Variants in BIRC3 observed in about 807,000 individuals in gnomAD.
BIRC3 encodes the protein baculoviral IAP repeat-containing protein 3.
BIRC3 carries 26 observed loss-of-function variants against 59.0 expected under a neutral mutation model. The ratio of observed to expected loss-of-function variants is 0.44; its 90% CI spans 0.32 to 0.61. BIRC3 has a LOEUF of 0.61. BIRC3 is among the 20% of genes least tolerant of loss of function. The pLI, the probability that BIRC3 is intolerant of heterozygous loss-of-function variation, is 0.04. For synonymous variants in BIRC3, 243 were observed against 249.2 expected, an observed-to-expected ratio of 0.98 and a Z score of 0.24; for missense variants, 641 against 711.5, an observed-to-expected ratio of 0.90 and a Z score of 1.13.
intron 5 of BIRC3, 41 bp from the exon 6 acceptor site, chr11:102,330,958 A>G (rs1208199888): frequency 6.6e-7 from 1 of 1,514,718 alleles, no homozygotes; most frequent in Non-Finnish European, 8.8e-7. Context: ...TAAGAAATAT[A>G]AGGCTATCCT....
intron 6 of BIRC3, among the ~76,000 whole-genome samples, chr11:102,334,082 T>C (rs912892034): frequency 5.9e-5 from 9 of 152,174 alleles, no homozygotes; most frequent in Non-Finnish European, 1.2e-4. Flanking sequence ...ATTTTAGAAA[T>C]CTTAAGAACT....
intron 1 of BIRC3, among the ~76,000 whole-genome samples, chr11:102,320,937 A>T (rs1951025590): frequency 6.6e-6 from 1 of 152,240 alleles, no homozygotes; most frequent in African/African-American, 2.4e-5. Context: ...GCCCTGCAGG[A>T]CTATAGGCCC....
chr11:102,336,179 C>G lies in BIRC3; in HGVS notation c.1538C>G (p.Ser513Cys), dbSNP rs776938400. The change falls in exon 7 of 9, where the codon TCT becomes TGT. Residue 513 changes from serine (S) to cysteine (C), a missense_variant. Around this residue, in one of 4 missense-constraint regions of BIRC3, gnomAD observed 268 missense variants for 255.7 expected, o/e 1.05. Coordinates refer to ENST00000263464, the MANE Select transcript of BIRC3 (RefSeq NM_001165.5). ...ATTGCAGCCACTGTATTCAGAAACTCTCTGCAAGAAGCTGAAGCTGTGTTA... is the reference window on the plus strand; with the variant it reads ...ATTGCAGCCACTGTATTCAGAAACTGTCTGCAAGAAGCTGAAGCTGTGTTA... ...GNIAATVFRN[S>C]LQEAEAVLYE... The G allele has an allele frequency of 1.5e-5, 25 of 1,613,196 alleles. No homozygotes were observed. In the Admixed American group the frequency reaches 1.8e-4, roughly 12 times the overall value.
chr11:102,326,636 GT>G (rs1414984181), intron 3 of BIRC3: 4 of 443,122 alleles, frequency 9.0e-6, no homozygotes, highest in Non-Finnish European at 1.4e-5. Flanking sequence ...AAGCTGCACT[GT>G]TTTTTTTCTA....
At position 102,339,096 on chromosome 11, in the gene BIRC3, G is replaced by A. The variant is rs1395200121; in HGVS notation, c.*1994G>A. ...CTAAGAGGCTCTGCTGGCTACCCAT[G>A]TACTAGCCAGTGTCCTGCATGGGTG... On this transcript the variant is annotated 3_prime_UTR_variant, in exon 9 of 9. Transcript: ENST00000263464. 9.6e-6 allele frequency: 2 copies of A among 208,682 alleles called. No individual in the cohort carries two copies. 12.9% of individuals were successfully genotyped at this position (208,682 alleles called of 1,614,324 possible).
At position 102,339,208 on chromosome 11, in the gene BIRC3, G is replaced by GT. The variant is rs1364015961; in HGVS notation, c.*2107dup. 3.3e-3 allele frequency: 414 copies of GT among 126,456 alleles called. 3 individuals are homozygous for GT. The highest frequency in any genetic ancestry group is 0.02 in the African/African-American group (383 of 19,070). The allele number at this position is 126,456 out of a possible 1,614,324, so 7.8% of individuals were successfully genotyped here. ...ATAGTAGGCACCCTTTTTGCACCATGTGTTTTTTTTTTTATCTAGTTCTTG... is the reference window on the plus strand; with the variant it reads ...ATAGTAGGCACCCTTTTTGCACCATGTTGTTTTTTTTTTTATCTAGTTCTTG... On this transcript the variant is annotated 3_prime_UTR_variant, in exon 9 of 9. Coordinates refer to ENST00000263464, the MANE Select transcript of BIRC3 (RefSeq NM_001165.5).
chr11:102,329,207 G>A (rs961568690), intron 5 of BIRC3, among the ~76,000 whole-genome samples: 3 of 152,170 alleles, frequency 2.0e-5, no homozygotes, highest in Non-Finnish European at 2.9e-5. Context: ...GCTCAGGCAT[G>A]TATAGTTTTA....
chr11:102,331,060 G>A lies in BIRC3; in HGVS notation c.1143G>A (p.Val381=). The stretch of plus-strand genomic sequence containing the variant: ...ATGCAATCATGATGAATACTCCTGT[G>A]ATTAATGCTGCCGTGGAAATGGGCT... ...SEDAIMMNTP[V]INAAVEMGFS... Residue 381 remains valine, a synonymous_variant, in exon 6 of 9, where the codon GTG becomes GTA. Transcript: ENST00000263464. 1 of 1,613,860 alleles carries A rather than the reference G, an allele frequency of 6.2e-7. No homozygotes were observed. Among genetic ancestry groups the A allele is most frequent in the African/African-American group, 1.3e-5 (1 of 75,036 alleles).
rs964261581 is a variant in BIRC3 at position 102,338,004 on chromosome 11, T to C, written c.*902T>C. 8.8e-6 allele frequency: 2 copies of C among 226,144 alleles called. No individual in the cohort carries two copies. The allele number at this position is 226,144 out of a possible 1,614,324, so 14.0% of individuals were successfully genotyped here. A position where few individuals can be genotyped will look rare whatever the true frequency, so the allele number is the denominator to read the frequency against. On this transcript the variant is annotated 3_prime_UTR_variant, in exon 9 of 9. Transcript: ENST00000263464. ...GAAGTCTCATGCCAGCCCCACCTATTGGAAGAAGGTCTGAGTTTTATTCTT... is the reference window on the plus strand; with the variant it reads ...GAAGTCTCATGCCAGCCCCACCTATCGGAAGAAGGTCTGAGTTTTATTCTT...
rs1951210235 is a variant in BIRC3, at chr11:102,337,636, G to A, written c.*534G>A. The A allele has an allele frequency of 5.9e-6, 2 of 341,722 alleles. No individual in the cohort carries two copies. Among genetic ancestry groups the A allele is most frequent in the Non-Finnish European group, 1.1e-5 (2 of 190,246 alleles). The allele number at this position is 341,722 out of a possible 1,614,324, so 21.2% of individuals were successfully genotyped here. The stretch of plus-strand genomic sequence containing the variant: ...TTTTTTGATCAGTGTCCTATACATC[G>A]AAGGTGTGCATATATGTTGAATGAC... On this transcript the variant is annotated 3_prime_UTR_variant, in exon 9 of 9. Transcript: ENST00000263464.
rs557587496 is a variant in BIRC3, at chr11:102,333,916, C to T, written c.1325-2050C>T. Among the ~76,000 whole-genome samples, 439 of 152,214 alleles carry T rather than the reference C, an allele frequency of 2.9e-3. 2 individuals carry two copies. Among genetic ancestry groups the T allele is most frequent in the Non-Finnish European group, 5.0e-3 (343 of 68,006 alleles). On this transcript the variant is annotated intron_variant, in intron 6 of 8. Transcript: ENST00000263464. ...AGGAGTTTGAGACCAGACTGGACAA[C>T]GTGGCGAGACCCCATCACTACAAAA...
rs150254499 is a variant in BIRC3 at position 102,325,509 on chromosome 11, C to G, written c.897C>G (p.Leu299=). ...DVKCFCCDGG[L]RCWESGDDPW... is the part of the protein sequence containing the mutation. ...AATGCTTTTGCTGTGATGGTGGACT[C>G]AGGTGTTGGGAATCTGGAGATGATC... The change falls in exon 3 of 9, where the codon CTC becomes CTG. Residue 299 remains leucine, a synonymous_variant. Coordinates refer to ENST00000263464, the MANE Select transcript of BIRC3 (RefSeq NM_001165.5). 4.2e-5 allele frequency: 68 copies of G among 1,612,908 alleles called. No individual in the cohort carries two copies. In the East Asian group the frequency reaches 1.5e-3, roughly 36 times the overall value.
intron 1 of BIRC3, among the ~76,000 whole-genome samples, chr11:102,318,630 C>T (rs1413132614): frequency 2.0e-5 from 3 of 152,174 alleles, no homozygotes; most frequent in Admixed American, 2.0e-4. Flanking sequence ...GGATGTGCTG[C>T]ATGCCCAAAG....
Position 102,322,229 on chromosome 11 carries a change from A to G in BIRC3, c.-2281A>G, listed in dbSNP as rs1409573627. On this transcript the variant is annotated 5_prime_UTR_variant, in exon 2 of 9. Coordinates refer to ENST00000263464, the MANE Select transcript of BIRC3 (RefSeq NM_001165.5). ...TTTGGGAAAGATTTTAAAATGAGTGACAGTTATTTGGAACAAAGAGCTAAT... is the reference window on the plus strand; with the variant it reads ...TTTGGGAAAGATTTTAAAATGAGTGGCAGTTATTTGGAACAAAGAGCTAAT... 3 of 206,908 alleles carry G rather than the reference A, an allele frequency of 1.4e-5. No homozygotes were observed. Among genetic ancestry groups the G allele is most frequent in the African/African-American group, 6.8e-5 (3 of 43,846 alleles). 12.8% of individuals were successfully genotyped at this position (206,908 alleles called of 1,614,324 possible).
rs1421742142 is a variant in BIRC3 at position 102,336,229 on chromosome 11, T to C, written c.1579+9T>C. ...ATATGAGCATTTATTTGGTGAGTGA[T>C]AGAAAATTATTTTTAAAAATTTTCT... On this transcript the variant is annotated intron_variant, in intron 7 of 8. Coordinates refer to ENST00000263464, the MANE Select transcript of BIRC3 (RefSeq NM_001165.5). 1.3e-6 allele frequency: 2 copies of C among 1,562,222 alleles called. No homozygotes were observed. Among genetic ancestry groups the C allele is most frequent in the Admixed American group, 4.2e-5 (2 of 47,978 alleles).
rs17880257 is a variant in BIRC3 at position 102,334,268 on chromosome 11, T to C, written c.1325-1698T>C. Among the ~76,000 whole-genome samples, 578 of 152,326 alleles carry C rather than the reference T, an allele frequency of 3.8e-3. 1 individual carries two copies. The highest frequency in any genetic ancestry group is 5.9e-3 in the Non-Finnish European group (404 of 68,018). ...CTAAGTCTTCTACCCCTCTCACCAT[T>C]ACTTTTCATTCCTACTCTTTAAATT... is the stretch of plus-strand genomic sequence containing the variant. On this transcript the variant is annotated intron_variant, in intron 6 of 8. Transcript: ENST00000263464.
At chr11:102,334,817 G>A (rs949480832) in intron 6 of BIRC3, among the ~76,000 whole-genome samples, 5 of 152,150 alleles carry the variant, frequency 3.3e-5, no homozygotes, top group Non-Finnish European at 5.9e-5. Context: ...GAAGGTAGTC[G>A]TTGACAAATA....
chr11:102,336,272 G>A (rs758406976), intron 7 of BIRC3, 52 bp downstream of exon 7: 28 of 1,500,008 alleles, frequency 1.9e-5, no homozygotes, highest in African/African-American at 8.4e-5. Context: ...TTGAAAATAC[G>A]CTCTTATTAA....
At chr11:102,326,213 A>C (rs979404097) in intron 3 of BIRC3, among the ~76,000 whole-genome samples, 62 of 152,232 alleles carry the variant, frequency 4.1e-4, no homozygotes, top group African/African-American at 1.5e-3. Context: ...AACTAATAAA[A>C]ACTTGAATAA....
Sources: allele counts gnomAD v4.1 joint callset (sites outside exome capture counted in the v4.1 genomes callset), GRCh38; gene constraint gnomAD v4.1.1; regional missense constraint gnomAD v4.1.1; transcripts MANE v1.5; gene names NCBI Gene and HGNC (gene_info 2026-07-23, HGNC 2026-07-21).